MEGF8: variants seen among roughly 807,000 people sequenced by gnomAD.
The protein encoded by MEGF8 is multiple epidermal growth factor-like domains protein 8.
MEGF8 carries 156 observed loss-of-function variants against 302.9 expected under a neutral mutation model. The ratio of observed to expected loss-of-function variants is 0.52; its 90% CI spans 0.45 to 0.59. The LOEUF (loss-of-function observed/expected upper bound fraction) is 0.59, where lower values mean the gene tolerates loss of function less well. Ranked by LOEUF, MEGF8 falls within the 20% of genes least tolerant of loss-of-function variation. MEGF8 has a pLI of 0.00. For missense variants in MEGF8, 3,345 were observed against 3,964.5 expected (o/e 0.84, Z 4.20); for synonymous variants, 1,621 against 1,660.5 (o/e 0.98, Z 0.58).
Position 42,354,438 on chromosome 19 carries a change from T to C in MEGF8, c.4012-150T>C, listed in dbSNP as rs902626296. 2.2e-6 allele frequency: 2 copies of C among 914,908 alleles called. No individual in the cohort carries two copies. Among genetic ancestry groups the C allele is most frequent in the Non-Finnish European group, 3.3e-6 (2 of 598,492 alleles). 56.7% of individuals were successfully genotyped at this position (914,908 alleles called of 1,614,324 possible). A position where few individuals can be genotyped will look rare whatever the true frequency, so the allele number is the denominator to read the frequency against. On this transcript the variant is annotated intron_variant, in intron 22 of 41. Transcript: ENST00000251268. The surrounding 1 kb of genome is among the most constrained non-coding windows in gnomAD (Gnocchi z 4.3). ...CACAGGAAGGGGAGTGGTGGCCTTA[T>C]GCCATAGTTTGACAGTCTCCCCTGG...
chr19:42,359,853 ATT>A (rs891961465), intron 31 of MEGF8, among the ~76,000 whole-genome samples: 16 of 125,380 alleles, frequency 1.3e-4, no homozygotes, highest in Admixed American at 1.7e-4. Flanking sequence ...CGCCTGGATA[ATT>A]TTTTTTTTTT....
chr19:42,376,716 A>G lies in MEGF8; in HGVS notation c.8479A>G (p.Thr2827Ala), dbSNP rs2039776260. ...GGGAGGSGHG[T>A]GAGRKGLLSQ... Reference sequence around the variant, plus strand: ...GGGTGCTGGGGGCAGTGGGCATGGGACTGGTGCGGGCCGGAAGGGACTGTT... The same window carrying G: ...GGGTGCTGGGGGCAGTGGGCATGGGGCTGGTGCGGGCCGGAAGGGACTGTT... Residue 2827 changes from threonine (T) to alanine (A), a missense_variant, in exon 42 of 42, where the codon ACT becomes GCT. Coordinates refer to ENST00000251268, the MANE Select transcript of MEGF8 (RefSeq NM_001271938.2). The surrounding 1 kb of genome is among the most constrained non-coding windows in gnomAD (Gnocchi z 8.2). 1 of 1,498,608 alleles carries G rather than the reference A, an allele frequency of 6.7e-7. No individual in the cohort carries two copies. Among genetic ancestry groups the G allele is most frequent in the Non-Finnish European group, 8.9e-7 (1 of 1,124,602 alleles). 92.8% of individuals were successfully genotyped at this position (1,498,608 alleles called of 1,614,324 possible).
At chr19:42,327,060 T>A (rs1465389961) in intron 1 of MEGF8, among the ~76,000 whole-genome samples, 1 of 152,212 alleles carries the variant, frequency 6.6e-6, no homozygotes, top group Non-Finnish European at 1.5e-5. Context: ...TGAGGTTCTG[T>A]TTCCTTCCCC....
intron 41 of MEGF8, 97 bp downstream of exon 41, chr19:42,371,579 T>G: frequency 1.3e-6 from 2 of 1,524,712 alleles, no homozygotes; most frequent in Non-Finnish European, 8.9e-7. Context: ...ACTGACAACA[T>G]GGTTCCAAAT....
At position 42,370,123 on chromosome 19, in the gene MEGF8, C is replaced by T. The variant is rs374934205; in HGVS notation, c.6835-66C>T. 7.9e-6 allele frequency: 12 copies of T among 1,522,680 alleles called. No individual in the cohort carries two copies. The East Asian group carries it at 1.1e-4, about 14-fold the overall frequency. 94.3% of individuals were successfully genotyped at this position (1,522,680 alleles called of 1,614,324 possible). On this transcript the variant is annotated intron_variant, in intron 38 of 41. Transcript: ENST00000251268. ...TGGGCTCTCAGAACCTGCCCCTGTG[C>T]CCCCAACGCCCTCCTACCCCTGATG...
chr19:42,328,797 G>A (rs1048059702), intron 1 of MEGF8, among the ~76,000 whole-genome samples: 2 of 152,014 alleles, frequency 1.3e-5, no homozygotes, highest in Non-Finnish European at 2.9e-5. Flanking sequence ...TTAGCCCTGC[G>A]TGGTGGCGCA....
chr19:42,335,884 G>T, intron 5 of MEGF8, 47 bp from the exon 6 acceptor site: 4 of 1,427,632 alleles, frequency 2.8e-6, no homozygotes, highest in Non-Finnish European at 3.7e-6. Flanking sequence ...CCTGGCTCTG[G>T]CTCTCTTGCT....
At chr19:42,327,879 G>C (rs1191867079) in intron 1 of MEGF8, among the ~76,000 whole-genome samples, 2 of 152,242 alleles carry the variant, frequency 1.3e-5, no homozygotes. Flanking sequence ...CAGATCGCCT[G>C]AAGTCAGGAG....
Position 42,362,476 on chromosome 19 carries a change from G to T in MEGF8, c.5937G>T (p.Arg1979=). ...CCTGCACCTCTGAGAATGACTGTCG[G>T]ATCAACCAGCGAGAGGTCTTCTGGG... ...NGSCTSENDC[R]INQREVFWAG... Residue 1979 remains arginine, a synonymous_variant, in exon 34 of 42, where the codon CGG becomes CGT. Transcript: ENST00000251268. 6.2e-7 allele frequency: 1 copy of T among 1,613,970 alleles called. No homozygotes were observed. Among genetic ancestry groups the T allele is most frequent in the Non-Finnish European group, 8.5e-7 (1 of 1,179,896 alleles).
Position 42,354,605 on chromosome 19 carries a change from G to C in MEGF8, c.4029G>C (p.Ala1343=), listed in dbSNP as rs758869270. 5 of 1,612,760 alleles carry C rather than the reference G, an allele frequency of 3.1e-6. No individual in the cohort carries two copies. The South Asian group carries it at 5.5e-5, about 18-fold the overall frequency. ...CCCTCTAGCTGAGCTACGTCCTGGC[G>C]TTTGATGGATTCCCACGCTTCCTGG... ...STPCTLSYVL[A]FDGFPRFLDT... The change falls in exon 23 of 42, where the codon GCG becomes GCC. Residue 1343 remains alanine, a synonymous_variant. Coordinates refer to ENST00000251268, the MANE Select transcript of MEGF8 (RefSeq NM_001271938.2). The surrounding 1 kb of genome is among the most constrained non-coding windows in gnomAD (Gnocchi z 4.3).
At position 42,363,254 on chromosome 19, in the gene MEGF8, C is replaced by T; in HGVS notation, c.6265C>T (p.Leu2089=). ...GCAGCACTGTGTTTGGAGCAGCAGCCTGCAGCAGGTACTGCACCTGGCCAG... is the reference window on the plus strand; with the variant it reads ...GCAGCACTGTGTTTGGAGCAGCAGCTTGCAGCAGGTACTGCACCTGGCCAG... The part of the protein sequence containing the change: ...GWQHCVWSSS[L]QQCLSPSYLP... The change falls in exon 35 of 42, where the codon CTG becomes TTG. Residue 2089 remains leucine, a synonymous_variant. Transcript: ENST00000251268. 6.3e-7 allele frequency: 1 copy of T among 1,595,012 alleles called. No homozygotes were observed. The highest frequency in any genetic ancestry group is 8.5e-7 in the Non-Finnish European group (1 of 1,170,938).
rs59779006 is a variant in MEGF8 at position 42,372,039 on chromosome 19, A to AAACAACAAC, written c.7269+584_7269+592dup. On this transcript the variant is annotated intron_variant, in intron 41 of 41. Coordinates refer to ENST00000251268, the MANE Select transcript of MEGF8 (RefSeq NM_001271938.2). ...GTCGAGGCTGCAGGACTCTGTCTCA[A>AAACAACAAC]AACAACAACAACAACAACAACAACA... Among the ~76,000 whole-genome samples the AAACAACAAC allele has an allele frequency of 4.4e-3, 642 of 144,676 alleles. 3 individuals carry two copies. Among genetic ancestry groups the AAACAACAAC allele is most frequent in the African/African-American group, 0.012 (484 of 39,232 alleles). The allele number at this position is 144,676 out of a possible 152,430, so 94.9% of individuals were successfully genotyped here. A position where few individuals can be genotyped will look rare whatever the true frequency, so the allele number is the denominator to read the frequency against.
At position 42,343,603 on chromosome 19, in the gene MEGF8, C is replaced by G; in HGVS notation, c.1640C>G (p.Pro547Arg). 1 of 1,610,676 alleles carries G rather than the reference C, an allele frequency of 6.2e-7. No individual in the cohort carries two copies. The highest frequency in any genetic ancestry group is 8.5e-7 in the Non-Finnish European group (1 of 1,178,288). ...GACTTGATGGCGTACAAGGTGCCCC[C>G]CTTTGTGTTCCAGGCACCTGCCCCT... ...RGDLMAYKVPPFVFQAPAPDY... is the reference protein window; with the variant it reads ...RGDLMAYKVPRFVFQAPAPDY... Residue 547 changes from proline to arginine, a missense_variant, in exon 9 of 42, where the codon CCC becomes CGC. Coordinates refer to ENST00000251268, the MANE Select transcript of MEGF8 (RefSeq NM_001271938.2).
intron 41 of MEGF8, among the ~76,000 whole-genome samples, chr19:42,372,836 C>T (rs10402438): frequency 0.022 from 3,382 of 151,856 alleles, 135 homozygotes; most frequent in African/African-American, 0.076. Flanking sequence ...CCATGCCTGG[C>T]TAATTTTCTG....
At position 42,369,123 on chromosome 19, in the gene MEGF8, C is replaced by A; in HGVS notation, c.6641+121C>A. 1 of 1,296,704 alleles carries A rather than the reference C, an allele frequency of 7.7e-7. No homozygotes were observed. The highest frequency in any genetic ancestry group is 1.0e-6 in the Non-Finnish European group (1 of 958,418). The allele number at this position is 1,296,704 out of a possible 1,614,324, so 80.3% of individuals were successfully genotyped here. A position where few individuals can be genotyped will look rare whatever the true frequency, so the allele number is the denominator to read the frequency against. On this transcript the variant is annotated intron_variant, in intron 37 of 41. Transcript: ENST00000251268. The surrounding 1 kb of genome is among the most constrained non-coding windows in gnomAD (Gnocchi z 5.7). ...GAAAAGAAAGCTCGAGGCATGAAGG[C>A]AGTGGGATTGATTCCTGAAGGTCAA... is the stretch of plus-strand genomic sequence containing the variant.
In MEGF8 at chr19:42,326,010, G is replaced by A; in HGVS notation, c.-234G>A. 3.6e-6 allele frequency: 2 copies of A among 551,504 alleles called. No individual in the cohort carries two copies. Among genetic ancestry groups the A allele is most frequent in the Non-Finnish European group, 5.7e-6 (2 of 351,006 alleles). The allele number at this position is 551,504 out of a possible 1,614,324, so 34.2% of individuals were successfully genotyped here. A position where few individuals can be genotyped will look rare whatever the true frequency, so the allele number is the denominator to read the frequency against. Reference sequence around the variant, plus strand: ...CCTAGGGTTCGGCCCCGTCCATAATGACTCCATATACAGGGCCTTCCATCG... The same window carrying A: ...CCTAGGGTTCGGCCCCGTCCATAATAACTCCATATACAGGGCCTTCCATCG... On this transcript the variant is annotated 5_prime_UTR_variant, in exon 1 of 42. An upstream start codon of the reference 5' UTR is lost. Transcript: ENST00000251268.
In MEGF8 at chr19:42,376,623, G is replaced by A. The variant is rs995223242; in HGVS notation, c.8386G>A (p.Gly2796Ser). 40 of 1,544,386 alleles carry A rather than the reference G, an allele frequency of 2.6e-5. No homozygotes were observed. The highest frequency in any genetic ancestry group is 5.9e-5 in the Admixed American group (3 of 51,274). Residue 2796 changes from glycine to serine, a missense_variant, in exon 42 of 42, where the codon GGC (glycine) becomes AGC (serine). By Grantham distance (56) the Gly-to-Ser change is moderately conservative (BLOSUM62 0). Coordinates refer to ENST00000251268, the MANE Select transcript of MEGF8 (RefSeq NM_001271938.2). The surrounding 1 kb of genome is among the most constrained non-coding windows in gnomAD (Gnocchi z 8.2). Reference protein sequence around the residue: ...QLPGGPHAPNGACLGSALVTL... With the variant: ...QLPGGPHAPNSACLGSALVTL... ...GCCTGGCGGGCCCCATGCACCCAAC[G>A]GCGCCTGCCTGGGGTCAGCCCTCGT...
chr19:42,360,693 C>A, intron 31 of MEGF8, 82 bp from the exon 32 acceptor site: 1 of 1,533,674 alleles, frequency 6.5e-7, no homozygotes, highest in Non-Finnish European at 8.8e-7. Context: ...TCCCTGCATC[C>A]TTCTCTGACT....
rs1423029390 is a variant in MEGF8 at position 42,368,315 on chromosome 19, C to T, written c.6274-140C>T. 3 of 689,094 alleles carry T rather than the reference C, an allele frequency of 4.4e-6. No individual in the cohort carries two copies. Among genetic ancestry groups the T allele is most frequent in the Non-Finnish European group, 7.3e-6 (3 of 410,998 alleles). 42.7% of individuals were successfully genotyped at this position (689,094 alleles called of 1,614,324 possible). A position where few individuals can be genotyped will look rare whatever the true frequency, so the allele number is the denominator to read the frequency against. The stretch of plus-strand genomic sequence containing the variant: ...AAAACATGATGACCCCAGCTAGTGT[C>T]CACTTTGCTCTACCTGTGGCCAGGG... On this transcript the variant is annotated intron_variant, in intron 35 of 41. Transcript: ENST00000251268. This position sits in a 1 kb window ranked among gnomAD's most constrained non-coding sequence, Gnocchi z 4.9.
Sources: allele counts gnomAD v4.1 joint callset (sites outside exome capture counted in the v4.1 genomes callset), GRCh38; gene constraint gnomAD v4.1.1; non-coding constraint Gnocchi (gnomAD v3.1); transcripts MANE v1.5; gene names NCBI Gene and HGNC (gene_info 2026-07-23, HGNC 2026-07-21).